ANK3: variants seen among roughly 807,000 people sequenced by gnomAD.
The protein encoded by ANK3 is ankyrin-3.
ANK3 carries 57 observed loss-of-function variants against 370.9 expected under a neutral mutation model. That is an observed-to-expected ratio of 0.15 (90% CI 0.12 to 0.19). The LOEUF is 0.19. Ranked by LOEUF, ANK3 falls within the 10% of genes least tolerant of loss-of-function variation. The probability of loss-of-function intolerance (pLI) is 1.00; values close to 1 mark genes in which losing one functional copy is unlikely to be tolerated. For missense variants in ANK3, 4,439 were observed against 5,302.1 expected (o/e 0.84, Z 5.06); for synonymous variants, 1,929 against 1,946.3 (o/e 0.99, Z 0.23).
At chr10:60,119,314 G>C (rs908708288) in intron 25 of ANK3, among the ~76,000 whole-genome samples, 1 of 152,170 alleles carries the variant, frequency 6.6e-6, no homozygotes, top group Non-Finnish European at 1.5e-5. Context: ...ACCTGTCTGC[G>C]AAGACTTACT....
At chr10:60,417,504 C>T (rs529067299) in intron 2 of ANK3, among the ~76,000 whole-genome samples, 1 of 152,306 alleles carries the variant, frequency 6.6e-6, no homozygotes, top group African/African-American at 2.4e-5. Context: ...TAGTCCTGAT[C>T]TCAGAAACAG....
intron 2 of ANK3, among the ~76,000 whole-genome samples, chr10:60,494,759 G>T (rs561245691): frequency 2.0e-5 from 3 of 152,214 alleles, no homozygotes; most frequent in Admixed American, 6.5e-5. Flanking sequence ...ATGTTTCTGG[G>T]AACATGATTT....
At chr10:60,202,819 GAGCAC>G (rs1269046647) in intron 12 of ANK3, among the ~76,000 whole-genome samples, 178 bp downstream of exon 12, 1 of 152,056 alleles carries the variant, frequency 6.6e-6, no homozygotes, top group Non-Finnish European at 1.5e-5. Context: ...GAGATGGGAG[GAGCAC>G]TTGAGTCCAG....
intron 1 of ANK3, among the ~76,000 whole-genome samples, chr10:60,389,087 G>T (rs750295953): frequency 1.3e-5 from 2 of 151,980 alleles, no homozygotes; most frequent in Non-Finnish European, 2.9e-5. Flanking sequence ...CCAAGTCACC[G>T]CAGTGCATTT....
intron 2 of ANK3, among the ~76,000 whole-genome samples, chr10:60,593,187 T>C (rs564115475): frequency 1.3e-5 from 2 of 152,288 alleles, no homozygotes; most frequent in East Asian, 3.9e-4. Context: ...ATACAGCAAT[T>C]AATCTTAAGG....
intron 1 of ANK3, among the ~76,000 whole-genome samples, chr10:60,644,920 G>T (rs2078690655): frequency 7.5e-6 from 1 of 134,090 alleles, no homozygotes; most frequent in East Asian, 2.3e-4. Flanking sequence ...AGTCATTGCT[G>T]CTCTTCCCTG....
Position 60,042,768 on chromosome 10 carries a change from G to GGAGT in ANK3, c.13066-13_13066-10dup, listed in dbSNP as rs765569350. 10 of 1,612,464 alleles carry GGAGT rather than the reference G, an allele frequency of 6.2e-6. No individual in the cohort carries two copies. In the South Asian group the frequency reaches 9.9e-5, roughly 16 times the overall value. ...TTAAAACCTTCTCCCTGCTTTGAAA[G>GGAGT]GAGTGTACATATTAAGATTTCACAG... On this transcript the variant is annotated splice_polypyrimidine_tract_variant and intron_variant, in intron 42 of 43. Coordinates refer to ENST00000280772, the MANE Select transcript of ANK3 (RefSeq NM_020987.5).
At chr10:60,680,585 G>A (rs1428611904) in intron 1 of ANK3, among the ~76,000 whole-genome samples, 2 of 152,100 alleles carry the variant, frequency 1.3e-5, no homozygotes, top group African/African-American at 4.8e-5. Flanking sequence ...CCTCACACAG[G>A]TCAATTACTA....
chr10:60,208,516 T>G (rs981099326), intron 9 of ANK3, among the ~76,000 whole-genome samples: 4 of 152,184 alleles, frequency 2.6e-5, no homozygotes, highest in African/African-American at 9.7e-5. Flanking sequence ...GCATATGAAT[T>G]TTACTTTTCT....
At position 60,453,102 on chromosome 10, in the gene ANK3, C is replaced by T. The variant is rs529677411; in HGVS notation, c.96+162084G>A. The stretch of plus-strand genomic sequence containing the variant: ...GTTGCACAGTGGAGTGGAAAGAACA[C>T]AATCTTTAGAAACAGACTTGAATTT... On this transcript the variant is annotated intron_variant, in intron 2 of 43. Coordinates refer to the ANK3 transcript ENST00000373827. Among the ~76,000 whole-genome samples, 31 of 152,330 alleles carry T rather than the reference C, an allele frequency of 2.0e-4. No individual in the cohort carries two copies. In the South Asian group the frequency reaches 6.4e-3, roughly 32 times the overall value.
chr10:60,243,542 T>G lies in ANK3; in HGVS notation c.799-8756A>C, dbSNP rs190178235. On this transcript the variant is annotated intron_variant, in intron 7 of 43. Coordinates refer to ENST00000280772, the MANE Select transcript of ANK3 (RefSeq NM_020987.5). ...AGCCTCCTGAACTATAAGAAATTTT[T>G]TTCTTTATAAATTACAAGTCTGTGG... 2.2e-4 allele frequency among the ~76,000 whole-genome samples: 33 copies of G among 152,322 alleles called. No homozygotes were observed. In the East Asian group the frequency reaches 5.8e-3, roughly 27 times the overall value.
chr10:60,416,849 C>G (rs1046232390), intron 2 of ANK3, among the ~76,000 whole-genome samples: 3 of 152,110 alleles, frequency 2.0e-5, no homozygotes, highest in Non-Finnish European at 4.4e-5. Context: ...TCCAGGGGGT[C>G]TCATTTGTTA....
chr10:60,224,629 A>G (rs1302291866), intron 8 of ANK3, among the ~76,000 whole-genome samples: 2 of 152,170 alleles, frequency 1.3e-5, no homozygotes, highest in Non-Finnish European at 2.9e-5. Context: ...TTTGATTTGT[A>G]TCCTTTAGGA....
At chr10:60,440,947 A>G (rs984812923) in intron 2 of ANK3, among the ~76,000 whole-genome samples, 8 of 152,216 alleles carry the variant, frequency 5.3e-5, no homozygotes, top group African/African-American at 1.7e-4. Context: ...GTTTTAAAAT[A>G]CTGAGTTTGA....
intron 2 of ANK3, among the ~76,000 whole-genome samples, chr10:60,505,473 AT>A (rs1467247397): frequency 6.6e-6 from 1 of 152,082 alleles, no homozygotes; most frequent in Non-Finnish European, 1.5e-5. Flanking sequence ...TTGAAGACTA[AT>A]TTTTGTTCAA....
chr10:60,237,327 A>G (rs916516614), intron 7 of ANK3, among the ~76,000 whole-genome samples: 1 of 152,210 alleles, frequency 6.6e-6, no homozygotes, highest in African/African-American at 2.4e-5. Context: ...TAAAGGAAAC[A>G]CCGACCAATA....
chr10:60,318,141 C>T (rs1036101454), intron 1 of ANK3, among the ~76,000 whole-genome samples: 1 of 152,082 alleles, frequency 6.6e-6, no homozygotes, highest in Non-Finnish European at 1.5e-5. Flanking sequence ...GCAGGATGTG[C>T]AGGTTTGTTA....
chr10:60,425,671 T>C (rs1314524231), intron 2 of ANK3, among the ~76,000 whole-genome samples: 1 of 152,020 alleles, frequency 6.6e-6, no homozygotes, highest in Non-Finnish European at 1.5e-5. Context: ...GCCTAAAAAA[T>C]ACATAGCAAA....
At chr10:60,133,381 A>C (rs2094191471) in intron 25 of ANK3, among the ~76,000 whole-genome samples, 1 of 152,248 alleles carries the variant, frequency 6.6e-6, no homozygotes, top group Non-Finnish European at 1.5e-5. Flanking sequence ...ATGCAGGAAG[A>C]CTGTGTTACT....
Sources: allele counts gnomAD v4.1 joint callset (sites outside exome capture counted in the v4.1 genomes callset), GRCh38; gene constraint gnomAD v4.1.1; transcripts MANE v1.5; gene names NCBI Gene and HGNC (gene_info 2026-07-23, HGNC 2026-07-21).